CDC42: variants seen among roughly 807,000 people sequenced by gnomAD.
CDC42 encodes the protein cell division control protein 42 homolog.
A neutral mutation model predicts 20.8 loss-of-function variants in CDC42; 1 was observed. The ratio of observed to expected loss-of-function variants is 0.05; its 90% confidence interval spans 0.02 to 0.23. CDC42 has a LOEUF of 0.23. Among genes scored for constraint, CDC42 ranks in the 10% least tolerant of loss-of-function variants. The probability of loss-of-function intolerance (pLI) is 1.00; values close to 1 mark genes in which losing one functional copy is unlikely to be tolerated. For synonymous variants in CDC42, 72 were observed against 84.8 expected, an observed-to-expected ratio of 0.85 and a Z score of 0.83; for missense variants, 49 against 227.9, an observed-to-expected ratio of 0.21 and a Z score of 5.05.
At chr1:22,070,675 A>G (rs1240310456) in intron 1 of CDC42, among the ~76,000 whole-genome samples, 1 of 151,884 alleles carries the variant, frequency 6.6e-6, no homozygotes, top group African/African-American at 2.4e-5. Context: ...TGTGTTAGCC[A>G]GGCTGGTCTT....
chr1:22,067,861 G>A (rs921182876), intron 1 of CDC42, among the ~76,000 whole-genome samples: 1 of 152,114 alleles, frequency 6.6e-6, no homozygotes, highest in Non-Finnish European at 1.5e-5. Context: ...GTGGTCAGGC[G>A]GTTGGGGCAG....
chr1:22,064,696 T>TC (rs1645402554), intron 1 of CDC42, among the ~76,000 whole-genome samples: 1 of 151,500 alleles, frequency 6.6e-6, no homozygotes, highest in African/African-American at 2.4e-5. Flanking sequence ...AGATTCTTTT[T>TC]TTTTTTTGAG....
At position 22,096,888 on chromosome 1, in the gene CDC42, C is replaced by T. The variant is rs940095937; in HGVS notation, c.*5371C>T. On this transcript the variant is annotated 3_prime_UTR_variant, in exon 6 of 6. Coordinates refer to ENST00000656825, the MANE Select transcript of CDC42 (RefSeq NM_001791.4). ...CTATTTTGTGAGCAAATAGTACTGC[C>T]TTGGATGTGGTACCCTTGTGCAGTG... is the stretch of plus-strand genomic sequence containing the variant. 6.6e-6 allele frequency among the ~76,000 whole-genome samples: 1 copy of T among 152,220 alleles called. No individual in the cohort carries two copies. The highest frequency in any genetic ancestry group is 1.5e-5 in the Non-Finnish European group (1 of 68,038).
At chr1:22,066,059 T>C (rs1645419761) in intron 1 of CDC42, among the ~76,000 whole-genome samples, 1 of 152,218 alleles carries the variant, frequency 6.6e-6, no homozygotes, top group Admixed American at 6.5e-5. Flanking sequence ...TGGGCGTTTT[T>C]TTCATATTAC....
chr1:22,083,279 T>G (rs926331554), intron 3 of CDC42, among the ~76,000 whole-genome samples: 6 of 152,146 alleles, frequency 3.9e-5, no homozygotes, highest in Admixed American at 3.3e-4. Context: ...CGAGTACTTT[T>G]GAAAGCTTTT....
rs538756210 is a variant in CDC42, at chr1:22,093,834, T to G, written c.*2317T>G. ...GTATAGGTCCTTGACTATTGCTATA[T>G]CTTTGTCCTAAAGCAATGCTTGACA... On this transcript the variant is annotated 3_prime_UTR_variant, in exon 6 of 6. Coordinates refer to ENST00000656825, the MANE Select transcript of CDC42 (RefSeq NM_001791.4). Among the ~76,000 whole-genome samples the G allele has an allele frequency of 3.6e-4, 55 of 152,342 alleles. No homozygotes were observed. Among genetic ancestry groups the G allele is most frequent in the African/African-American group, 1.3e-3 (54 of 41,568 alleles).
chr1:22,073,025 C>A (rs1020412271), intron 1 of CDC42, among the ~76,000 whole-genome samples: 1 of 152,056 alleles, frequency 6.6e-6, no homozygotes, highest in Non-Finnish European at 1.5e-5. Context: ...CCATGGGGCA[C>A]GGGAAAATAG....
chr1:22,053,258 C>T (rs1352390010), intron 1 of CDC42: 1 of 13,778 alleles, frequency 7.3e-5, no homozygotes, highest in African/African-American at 2.8e-4. Context: ...CATTTTGCGG[C>T]GGGGGTGGGG....
At position 22,100,283 on chromosome 1, in the gene CDC42, C is replaced by T. The variant is rs1440493893; in HGVS notation, c.*8766C>T. 6.6e-6 allele frequency among the ~76,000 whole-genome samples: 1 copy of T among 152,128 alleles called. No individual in the cohort carries two copies. The highest frequency in any genetic ancestry group is 6.5e-5 in the Admixed American group (1 of 15,274). On this transcript the variant is annotated 3_prime_UTR_variant, in exon 6 of 6. Transcript: ENST00000656825. Reference sequence around the variant, plus strand: ...AGTAGTAAACTCCTAAACTTCAAGTCATGTTTGTATTAGTGATTTCACTTG... The same window carrying T: ...AGTAGTAAACTCCTAAACTTCAAGTTATGTTTGTATTAGTGATTTCACTTG...
At position 22,080,695 on chromosome 1, in the gene CDC42, T is replaced by C. The variant is rs16826493; in HGVS notation, c.106-1027T>C. On this transcript the variant is annotated intron_variant, in intron 2 of 5. Transcript: ENST00000656825. ...TAAAGACTCCAGAATTTGTGTTGGGTCTTTTCCCATTTAGCATTGTTAAAC... is the reference window on the plus strand; with the variant it reads ...TAAAGACTCCAGAATTTGTGTTGGGCCTTTTCCCATTTAGCATTGTTAAAC... Among the ~76,000 whole-genome samples, 1,284 of 152,336 alleles carry C rather than the reference T, an allele frequency of 8.4e-3. 22 individuals are homozygous for C. Among genetic ancestry groups the C allele is most frequent in the African/African-American group, 0.03 (1,233 of 41,568 alleles).
intron 1 of CDC42, chr1:22,059,470 A>T (rs919434834): frequency 6.6e-6 from 1 of 152,194 alleles, no homozygotes; most frequent in Non-Finnish European, 1.5e-5. Flanking sequence ...TGCTAAAATC[A>T]TATTTCCAAT....
intron 1 of CDC42, among the ~76,000 whole-genome samples, chr1:22,076,956 C>T (rs561128235): frequency 6.6e-6 from 1 of 152,026 alleles, no homozygotes; most frequent in South Asian, 2.1e-4. Flanking sequence ...CAAGACCAGC[C>T]TGGGTAACAG....
At chr1:22,070,629 G>A (rs933171119) in intron 1 of CDC42, among the ~76,000 whole-genome samples, 25 of 151,416 alleles carry the variant, frequency 1.7e-4, no homozygotes, top group African/African-American at 5.6e-4. Flanking sequence ...ACGCCCAGCT[G>A]ATTTTTTTGT....
intron 1 of CDC42, among the ~76,000 whole-genome samples, chr1:22,075,001 T>TA (rs1243858259): frequency 6.6e-6 from 1 of 152,200 alleles, no homozygotes; most frequent in Non-Finnish European, 1.5e-5. Context: ...GTGTAAGGGT[T>TA]AAAGCAGAGG....
chr1:22,087,018 G>A, intron 5 of CDC42, 152 bp downstream of exon 5: 1 of 663,542 alleles, frequency 1.5e-6, no homozygotes. Flanking sequence ...TTTTGTTAGA[G>A]GCCTCTGTGT....
chr1:22,088,667 A>G (rs541499545), intron 5 of CDC42, among the ~76,000 whole-genome samples: 11 of 152,330 alleles, frequency 7.2e-5, no homozygotes, highest in African/African-American at 2.6e-4. Context: ...GTCCATGGTA[A>G]GCAAGAAAGG....
intron 1 of CDC42, among the ~76,000 whole-genome samples, chr1:22,063,303 T>C (rs1017432205): frequency 1.3e-5 from 2 of 152,080 alleles, no homozygotes; most frequent in Admixed American, 6.6e-5. Context: ...CTTCTCCTTA[T>C]AACCAGTAAA....
chr1:22,079,815 C>T (rs935232767), intron 2 of CDC42, among the ~76,000 whole-genome samples: 1 of 152,008 alleles, frequency 6.6e-6, no homozygotes, highest in Non-Finnish European at 1.5e-5. Flanking sequence ...ATTTCTGAGT[C>T]TTTTATGACT....
rs929919404 is a variant in CDC42, at chr1:22,099,621, G to A, written c.*8104G>A. On this transcript the variant is annotated 3_prime_UTR_variant, in exon 6 of 6. Coordinates refer to ENST00000656825, the MANE Select transcript of CDC42 (RefSeq NM_001791.4). Reference sequence around the variant, plus strand: ...AGCATAAAAGGCTTCATCTGTAAGGGTAGGTTTGTTGGGTAGGAGCTTTTT... The same window carrying A: ...AGCATAAAAGGCTTCATCTGTAAGGATAGGTTTGTTGGGTAGGAGCTTTTT... 6.6e-6 allele frequency among the ~76,000 whole-genome samples: 1 copy of A among 152,184 alleles called. No homozygotes were observed. The highest frequency in any genetic ancestry group is 1.5e-5 in the Non-Finnish European group (1 of 68,034).
Sources: allele counts gnomAD v4.1 joint callset (sites outside exome capture counted in the v4.1 genomes callset), GRCh38; gene constraint gnomAD v4.1.1; transcripts MANE v1.5; gene names NCBI Gene and HGNC (gene_info 2026-07-23, HGNC 2026-07-21).